Variants in ELAVL2 observed in about 807,000 individuals in gnomAD.
ELAVL2 encodes the protein ELAV-like protein 2.
Under a neutral mutation model 34.6 loss-of-function variants are expected in ELAVL2, and 4 were observed. The observed-to-expected ratio is 0.12, with a 90% CI of 0.06 to 0.26. The LOEUF is 0.26. ELAVL2 is among the 10% of genes least tolerant of loss of function. ELAVL2 has a pLI of 1.00. For synonymous variants in ELAVL2, 193 were observed against 154.8 expected (o/e 1.25, Z -1.83); for missense variants, 432 against 442.8 (o/e 0.98, Z 0.22).
At chr9:23,694,352 A>G (rs901781718) in intron 5 of ELAVL2, among the ~76,000 whole-genome samples, 2 of 151,948 alleles carry the variant, frequency 1.3e-5, no homozygotes, top group Non-Finnish European at 2.9e-5. Flanking sequence ...ATCAAATATT[A>G]GTTTTACAGC....
chr9:23,810,577 G>A (rs2138063617), intron 1 of ELAVL2, among the ~76,000 whole-genome samples: 1 of 152,188 alleles, frequency 6.6e-6, no homozygotes, highest in African/African-American at 2.4e-5. Flanking sequence ...TGAAAACTGA[G>A]TTGCTTCTTG....
chr9:23,773,220 T>G (rs1386156873), intron 1 of ELAVL2, among the ~76,000 whole-genome samples: 1 of 152,182 alleles, frequency 6.6e-6, no homozygotes, highest in African/African-American at 2.4e-5. Context: ...GTTAATAATG[T>G]TTTTCAAAAA....
intron 1 of ELAVL2, among the ~76,000 whole-genome samples, chr9:23,814,508 A>C (rs911902719): frequency 4.6e-5 from 7 of 152,156 alleles, no homozygotes; most frequent in African/African-American, 1.7e-4. Context: ...GAAAGTCAAA[A>C]GCACTGATGA....
chr9:23,802,718 C>A (rs2061719421), intron 1 of ELAVL2, among the ~76,000 whole-genome samples: 1 of 152,154 alleles, frequency 6.6e-6, no homozygotes, highest in Non-Finnish European at 1.5e-5. Context: ...GTAGAGCTTT[C>A]TAAAGGTTAT....
At chr9:23,724,338 T>C (rs546035546) in intron 3 of ELAVL2, among the ~76,000 whole-genome samples, 3 of 152,190 alleles carry the variant, frequency 2.0e-5, no homozygotes, top group African/African-American at 7.2e-5. Flanking sequence ...CTAAAGGAAA[T>C]CCATTGGAAG....
chr9:23,800,034 G>C lies in ELAVL2; in HGVS notation c.-16+25772C>G, dbSNP rs150910575. On this transcript the variant is annotated intron_variant, in intron 1 of 6. Coordinates refer to ENST00000397312, the MANE Select transcript of ELAVL2 (RefSeq NM_004432.5). Reference sequence around the variant, plus strand: ...AGTATTAGAGAAACAAAGCATTAAAGAAACAAAAGCCTTAAAGTCCAATAT... The same window carrying C: ...AGTATTAGAGAAACAAAGCATTAAACAAACAAAAGCCTTAAAGTCCAATAT... Among the ~76,000 whole-genome samples the C allele has an allele frequency of 1.3e-3, 204 of 152,218 alleles. 3 individuals carry two copies. The East Asian group carries it at 0.016, about 12-fold the overall frequency.
At chr9:23,770,940 G>A (rs951431260) in intron 1 of ELAVL2, among the ~76,000 whole-genome samples, 2 of 152,176 alleles carry the variant, frequency 1.3e-5, no homozygotes, top group African/African-American at 4.8e-5. Context: ...AGATAACAGG[G>A]AGAGTAGGAG....
At chr9:23,713,574 G>A (rs1443403904) in intron 3 of ELAVL2, among the ~76,000 whole-genome samples, 3 of 152,072 alleles carry the variant, frequency 2.0e-5, no homozygotes, top group East Asian at 3.9e-4. Context: ...GTAGCTCTCT[G>A]CATTAGAAAA....
intron 1 of ELAVL2, among the ~76,000 whole-genome samples, chr9:23,783,062 A>AC (rs2059269995): frequency 6.6e-6 from 1 of 152,154 alleles, no homozygotes; most frequent in South Asian, 2.1e-4. Context: ...GTGAGAGCCC[A>AC]CTTCATTTTC....
chr9:23,695,255 C>G (rs2034734824), intron 5 of ELAVL2, among the ~76,000 whole-genome samples: 1 of 152,152 alleles, frequency 6.6e-6, no homozygotes, highest in African/African-American at 2.4e-5. Context: ...TTGGCATATG[C>G]TACCTGTAGA....
intron 1 of ELAVL2, among the ~76,000 whole-genome samples, chr9:23,809,005 G>A (rs994032963): frequency 6.6e-6 from 1 of 152,102 alleles, no homozygotes; most frequent in African/African-American, 2.4e-5. Flanking sequence ...ACGTATTAAG[G>A]TCAAAGTTTA....
chr9:23,823,095 G>A (rs2065038766), intron 1 of ELAVL2, among the ~76,000 whole-genome samples: 3 of 152,214 alleles, frequency 2.0e-5, no homozygotes, highest in African/African-American at 7.2e-5. Context: ...GGGGACACCG[G>A]ATACAGCTAA....
chr9:23,759,759 TATA>T, intron 2 of ELAVL2, among the ~76,000 whole-genome samples: 1 of 84,068 alleles, frequency 1.2e-5, no homozygotes, highest in African/African-American at 7.0e-5. Flanking sequence ...TAGTATTATA[TATA>T]TATATATATA....
intron 1 of ELAVL2, among the ~76,000 whole-genome samples, chr9:23,801,537 G>C (rs2061566877): frequency 6.6e-6 from 1 of 152,104 alleles, no homozygotes; most frequent in Admixed American, 6.6e-5. Flanking sequence ...GAGTATCAAT[G>C]ATCTCACCAA....
At chr9:23,733,480 A>G (rs543148698) in intron 2 of ELAVL2, among the ~76,000 whole-genome samples, 2 of 152,226 alleles carry the variant, frequency 1.3e-5, no homozygotes, top group Admixed American at 6.5e-5. Context: ...AGCTGGGGCT[A>G]CAACGGGGCT....
At chr9:23,816,406 T>A (rs532446586) in intron 1 of ELAVL2, among the ~76,000 whole-genome samples, 7 of 151,634 alleles carry the variant, frequency 4.6e-5, no homozygotes, top group African/African-American at 1.7e-4. Context: ...AAAAGATTTT[T>A]GTGATATCCT....
At chr9:23,705,162 T>C (rs1376245381) in intron 3 of ELAVL2, 91 bp from the exon 4 acceptor site, 11 of 1,463,266 alleles carry the variant, frequency 7.5e-6, no homozygotes, top group South Asian at 1.2e-5. Flanking sequence ...AACTTTCCCA[T>C]GAACAGCATA....
intron 2 of ELAVL2, among the ~76,000 whole-genome samples, chr9:23,739,403 T>C (rs1239008436): frequency 6.6e-6 from 1 of 152,170 alleles, no homozygotes; most frequent in Non-Finnish European, 1.5e-5. Context: ...CTGAAAGTCA[T>C]ACCTGACAGT....
At chr9:23,790,080 A>C (rs1023563301) in intron 1 of ELAVL2, among the ~76,000 whole-genome samples, 9 of 152,158 alleles carry the variant, frequency 5.9e-5, no homozygotes, top group Non-Finnish European at 1.2e-4. Context: ...AAAAAAAAAA[A>C]CAACCTTTCA....
Sources: gnomAD v4.1 joint callset for allele counts (sites outside exome capture counted in the v4.1 genomes callset) on GRCh38, gnomAD v4.1.1 for gene constraint, MANE v1.5 for transcripts, NCBI Gene and HGNC (gene_info 2026-07-23, HGNC 2026-07-21) for gene names.